TMBIM4: variants seen among roughly 807,000 people sequenced by gnomAD.
TMBIM4 encodes the protein protein lifeguard 4.
A neutral mutation model predicts 27.7 loss-of-function variants in TMBIM4; 28 were observed. The observed-to-expected ratio is 1.01, with a 90% confidence interval of 0.75 to 1.38. TMBIM4 has a LOEUF of 1.38. Ranked by LOEUF, TMBIM4 falls within the 40% of genes most tolerant of loss-of-function variation. TMBIM4 has a pLI of 0.00. For missense variants in TMBIM4, 265 were observed against 277.5 expected, an observed-to-expected ratio of 0.95 and a Z score of 0.32; for synonymous variants, 115 against 113.1, an observed-to-expected ratio of 1.02 and a Z score of -0.11.
chr12:66,146,420 G>A (rs1239367499), intron 4 of TMBIM4, among the ~76,000 whole-genome samples: 1 of 152,130 alleles, frequency 6.6e-6, no homozygotes, highest in Non-Finnish European at 1.5e-5. Context: ...GTTATACTTG[G>A]TTTATCAGCC....
chr12:66,142,776 C>T (rs955105778), intron 5 of TMBIM4, among the ~76,000 whole-genome samples: 28 of 151,730 alleles, frequency 1.8e-4, no homozygotes, highest in African/African-American at 6.5e-4. Context: ...AACACGAGAC[C>T]CATGAAAAAT....
Position 66,137,513 on chromosome 12 carries a change from A to G in TMBIM4, c.*447T>C, listed in dbSNP as rs2051595522. 6.3e-6 allele frequency: 1 copy of G among 158,494 alleles called. No homozygotes were observed. The highest frequency in any genetic ancestry group is 1.4e-5 in the Non-Finnish European group (1 of 72,404). 9.8% of individuals were successfully genotyped at this position (158,494 alleles called of 1,614,324 possible). A position where few individuals can be genotyped will look rare whatever the true frequency, so the allele number is the denominator to read the frequency against. ...CAGGTTCAAGCGATTCTCTGGCCTCAGCCTCTTGACTAGCTGGGACTACAG... is the reference window on the plus strand; with the variant it reads ...CAGGTTCAAGCGATTCTCTGGCCTCGGCCTCTTGACTAGCTGGGACTACAG... On this transcript the variant is annotated 3_prime_UTR_variant, in exon 7 of 7. Transcript: ENST00000358230.
chr12:66,137,943 A>G lies in TMBIM4; in HGVS notation c.*17T>C. On this transcript the variant is annotated 3_prime_UTR_variant, in exon 7 of 7. Coordinates refer to ENST00000358230, the MANE Select transcript of TMBIM4 (RefSeq NM_016056.4). Reference sequence around the variant, plus strand: ...AATTTTTTTTGTTGTTCTTCAGTTGAGCTGAGATACTTTTAATTACTTTTT... The same window carrying G: ...AATTTTTTTTGTTGTTCTTCAGTTGGGCTGAGATACTTTTAATTACTTTTT... The G allele has an allele frequency of 6.2e-7, 1 of 1,608,620 alleles. No individual in the cohort carries two copies. Among genetic ancestry groups the G allele is most frequent in the Non-Finnish European group, 8.5e-7 (1 of 1,176,708 alleles).
At chr12:66,153,111 C>T (rs762293593) in intron 2 of TMBIM4, among the ~76,000 whole-genome samples, 2 of 151,770 alleles carry the variant, frequency 1.3e-5, no homozygotes, top group Non-Finnish European at 2.9e-5. Context: ...TAATTTTTAC[C>T]AAGGGTTTAA....
chr12:66,138,031 T>C lies in TMBIM4; in HGVS notation c.646A>G (p.Ser216Gly), dbSNP rs2051605974. 1.2e-6 allele frequency: 2 copies of C among 1,614,044 alleles called. No individual in the cohort carries two copies. Among genetic ancestry groups the C allele is most frequent in the African/African-American group, 1.3e-5 (1 of 74,920 alleles). ...SPEEYVLAAI[S>G]LYLDIINLFL... The stretch of plus-strand genomic sequence containing the variant: ...AGATTGATGATATCCAAGTAGAGGC[T>C]GATGGCAGCTAATACGTACTCTTCA... The change falls in exon 7 of 7, where the codon AGC becomes GGC. Residue 216 changes from serine (S) to glycine (G), a missense_variant. Physicochemically the swap from Ser to Gly is moderately conservative, Grantham distance 56. Transcript: ENST00000358230.
chr12:66,166,464 C>CAAAAAAAAA (rs59822799), intron 1 of TMBIM4, among the ~76,000 whole-genome samples: 5 of 100,700 alleles, frequency 5.0e-5, no homozygotes, highest in African/African-American at 1.5e-4. Flanking sequence ...TACTTTGTCT[C>CAAAAAAAAA]AAAAAAAAAA....
chr12:66,141,672 G>T (rs2051671160), intron 5 of TMBIM4, among the ~76,000 whole-genome samples: 1 of 151,926 alleles, frequency 6.6e-6, no homozygotes. Flanking sequence ...AAATTAAGAA[G>T]AAAGCTGGGG....
At chr12:66,146,078 A>G in intron 4 of TMBIM4, 120 bp from the exon 5 acceptor site, 1 of 554,996 alleles carries the variant, frequency 1.8e-6, no homozygotes, top group Non-Finnish European at 3.2e-6. Context: ...AAAAACAATT[A>G]GAAAAGATTT....
intron 1 of TMBIM4, chr12:66,169,071 C>T (rs1303124745): frequency 1.4e-5 from 6 of 431,922 alleles, no homozygotes; most frequent in African/African-American, 2.1e-5. Context: ...AAGTTCTAGG[C>T]ACTAAGATTC....
intron 1 of TMBIM4, among the ~76,000 whole-genome samples, chr12:66,167,774 TTAAAGCACGG>T (rs1467797660): frequency 6.6e-6 from 1 of 152,194 alleles, no homozygotes; most frequent in Non-Finnish European, 1.5e-5. Flanking sequence ...TTCAAAAGAA[TTAAAGCACGG>T]TCTTGAAGAG....
At chr12:66,145,578 G>T (rs2051737333) in intron 5 of TMBIM4, among the ~76,000 whole-genome samples, 1 of 151,328 alleles carries the variant, frequency 6.6e-6, no homozygotes, top group African/African-American at 2.4e-5. Flanking sequence ...AAGCATACAA[G>T]CTTAAACTCT....
At chr12:66,169,509 G>A in intron 1 of TMBIM4, 1 of 485,718 alleles carries the variant, frequency 2.1e-6, no homozygotes, top group East Asian at 3.5e-5. Context: ...TCATTTCCAC[G>A]ACGTTTCTTT....
In TMBIM4 at chr12:66,136,172, T is replaced by A. The variant is rs917606793; in HGVS notation, c.*1788A>T. 2 of 151,726 alleles carry A rather than the reference T, an allele frequency of 1.3e-5. No individual in the cohort carries two copies. The highest frequency in any genetic ancestry group is 4.8e-5 in the African/African-American group (2 of 41,356). 9.4% of individuals were successfully genotyped at this position (151,726 alleles called of 1,614,324 possible). On this transcript the variant is annotated 3_prime_UTR_variant, in exon 7 of 7. Transcript: ENST00000358230. ...TTTATTTATCTATCTCATTTAATCC[T>A]TATAACAGCCCAATAAGCTAGACAT...
At chr12:66,158,644 C>CAAAA (rs71434101) in intron 1 of TMBIM4, among the ~76,000 whole-genome samples, 1 of 109,426 alleles carries the variant, frequency 9.1e-6, no homozygotes, top group Non-Finnish European at 2.0e-5. Flanking sequence ...GACTCTGTCT[C>CAAAA]AAAAAAAAAA....
At chr12:66,160,600 G>C (rs2052018724) in intron 1 of TMBIM4, among the ~76,000 whole-genome samples, 1 of 152,178 alleles carries the variant, frequency 6.6e-6, no homozygotes, top group Non-Finnish European at 1.5e-5. Flanking sequence ...AGTTTAATCA[G>C]CACTGTAAAA....
At chr12:66,165,414 T>C (rs765744221) in intron 1 of TMBIM4, among the ~76,000 whole-genome samples, 3 of 144,286 alleles carry the variant, frequency 2.1e-5, no homozygotes, top group Non-Finnish European at 4.5e-5. Flanking sequence ...CTGGTATATA[T>C]GATCCTTTTT....
intron 5 of TMBIM4, chr12:66,139,697 T>G (rs974578225): frequency 2.8e-4 from 127 of 455,954 alleles, no homozygotes; most frequent in Non-Finnish European, 5.2e-4. Flanking sequence ...GTGAGCACTC[T>G]GGTGTATGCA....
intron 1 of TMBIM4, among the ~76,000 whole-genome samples, chr12:66,153,991 A>G (rs2051894057): frequency 1.3e-5 from 2 of 152,178 alleles, no homozygotes; most frequent in South Asian, 4.1e-4. Flanking sequence ...TCTATACAAT[A>G]GAAAATCCTT....
chr12:66,161,407 A>AT (rs1347210245), intron 1 of TMBIM4, among the ~76,000 whole-genome samples: 1 of 151,994 alleles, frequency 6.6e-6, no homozygotes, highest in African/African-American at 2.4e-5. Flanking sequence ...CACCTGGCTG[A>AT]TTTTTTGTAT....
Sources: gnomAD v4.1 joint callset for allele counts (sites outside exome capture counted in the v4.1 genomes callset) on GRCh38, gnomAD v4.1.1 for gene constraint, MANE v1.5 for transcripts, NCBI Gene and HGNC (gene_info 2026-07-23, HGNC 2026-07-21) for gene names.